CADM2: variants seen among roughly 807,000 people sequenced by gnomAD.
CADM2 encodes the protein cell adhesion molecule 2.
Under a neutral mutation model 49.8 loss-of-function variants are expected in CADM2, and 12 were observed. That is an observed-to-expected ratio of 0.24 (90% CI 0.15 to 0.39). The LOEUF is 0.39. CADM2 is among the 10% of genes least tolerant of loss of function. CADM2 has a pLI of 1.00. For synonymous variants in CADM2, 214 were observed against 175.4 expected (o/e 1.22, Z -1.74); for missense variants, 378 against 492.3 (o/e 0.77, Z 2.20).
intron 2 of CADM2, among the ~76,000 whole-genome samples, chr3:85,752,006 A>G (rs1325950915): frequency 1.3e-5 from 2 of 152,152 alleles, no homozygotes; most frequent in East Asian, 3.9e-4. Context: ...CAAAACACTC[A>G]ACTTTAAGAT....
At position 85,297,927 on chromosome 3, in the gene CADM2, G is replaced by T. The variant is rs149502040; in HGVS notation, c.61+338259G>T. Among the ~76,000 whole-genome samples the T allele has an allele frequency of 5.4e-3, 824 of 152,038 alleles. 33 individuals are homozygous for T. Among genetic ancestry groups the T allele is most frequent in the Admixed American group, 0.048 (735 of 15,238 alleles). On this transcript the variant is annotated intron_variant, in intron 1 of 9. Coordinates refer to ENST00000383699, the MANE Select transcript of CADM2 (RefSeq NM_001167675.2). The stretch of plus-strand genomic sequence containing the variant: ...TATAGGAATCATGTAATAAATATTT[G>T]TTAGATGCCTTGAAAGGAAGAAATA...
chr3:85,660,432 G>T (rs772644036), intron 1 of CADM2, among the ~76,000 whole-genome samples: 1 of 134,748 alleles, frequency 7.4e-6, no homozygotes, highest in Admixed American at 7.8e-5. Flanking sequence ...TAGGCTTTTC[G>T]CTCTCCTGTT....
chr3:85,468,153 CAAAAAAAAAAAAAAAAA>C (rs57721920), intron 1 of CADM2, among the ~76,000 whole-genome samples: 14 of 55,348 alleles, frequency 2.5e-4, no homozygotes, highest in Admixed American at 1.7e-3. Flanking sequence ...GACTCCGTCT[CAAAAAAAAAAAAAAAAA>C]AAAAAAAAAA....
chr3:85,592,990 A>C (rs1410247104), intron 1 of CADM2, among the ~76,000 whole-genome samples: 1 of 151,844 alleles, frequency 6.6e-6, no homozygotes, highest in Non-Finnish European at 1.5e-5. Context: ...CTGATTTTAA[A>C]GGGACTCCAA....
intron 6 of CADM2, among the ~76,000 whole-genome samples, chr3:85,917,762 A>G (rs1335131346): frequency 1.3e-5 from 2 of 152,138 alleles, no homozygotes; most frequent in South Asian, 2.1e-4. Context: ...CTTGGGCAGT[A>G]TGGCCATTTT....
chr3:85,899,111 G>C (rs977674973), intron 5 of CADM2, among the ~76,000 whole-genome samples: 1 of 150,324 alleles, frequency 6.7e-6, no homozygotes, highest in Admixed American at 6.6e-5. Context: ...GATTACAGGC[G>C]TGCACCAACA....
chr3:85,978,332 A>T (rs1241355200), intron 8 of CADM2, among the ~76,000 whole-genome samples: 1 of 151,596 alleles, frequency 6.6e-6, no homozygotes, highest in Admixed American at 6.6e-5. Context: ...TTTTTTCTGT[A>T]TTTGAAGCTA....
At chr3:85,955,092 T>C (rs114315149) in intron 7 of CADM2, among the ~76,000 whole-genome samples, 260 of 151,572 alleles carry the variant, frequency 1.7e-3, no homozygotes, top group African/African-American at 6.0e-3. Context: ...TGATTCTGCT[T>C]TGTCTTAAAG....
intron 1 of CADM2, among the ~76,000 whole-genome samples, chr3:85,707,812 C>A (rs2066997952): frequency 6.6e-6 from 1 of 152,106 alleles, no homozygotes; most frequent in Non-Finnish European, 1.5e-5. Flanking sequence ...ACAGCATGTA[C>A]TTGAAAAGAA....
intron 1 of CADM2, among the ~76,000 whole-genome samples, chr3:85,073,396 C>T (rs1435841121): frequency 2.6e-5 from 4 of 152,104 alleles, no homozygotes; most frequent in African/African-American, 9.7e-5. Flanking sequence ...ATTCATGCTA[C>T]AATGTACATA....
chr3:85,568,453 T>TTTCTC (rs2062354997), intron 1 of CADM2, among the ~76,000 whole-genome samples: 6 of 27,566 alleles, frequency 2.2e-4, no homozygotes, highest in Admixed American at 5.8e-4. Flanking sequence ...CTTTCTTTCT[T>TTTCTC]TCTTTCTTTC....
chr3:85,331,504 C>A (rs545802151), intron 1 of CADM2, among the ~76,000 whole-genome samples: 7 of 151,306 alleles, frequency 4.6e-5, no homozygotes, highest in African/African-American at 1.7e-4. Flanking sequence ...CTAAAAGTGA[C>A]TATTGTCACT....
intron 1 of CADM2, among the ~76,000 whole-genome samples, chr3:85,505,782 T>C (rs1168188668): frequency 1.3e-5 from 2 of 152,210 alleles, no homozygotes; most frequent in Non-Finnish European, 2.9e-5. Flanking sequence ...TTGGAAACAT[T>C]AAGAATGCAG....
chr3:85,499,786 T>C (rs2040043275), intron 1 of CADM2, among the ~76,000 whole-genome samples: 1 of 152,058 alleles, frequency 6.6e-6, no homozygotes, highest in Non-Finnish European at 1.5e-5. Flanking sequence ...ATTTAATTAT[T>C]TTACAGCTTT....
intron 8 of CADM2, among the ~76,000 whole-genome samples, chr3:86,055,539 T>G (rs1737856165): frequency 7.2e-6 from 1 of 138,380 alleles, no homozygotes; most frequent in African/African-American, 2.7e-5. Flanking sequence ...CGATCTCAGC[T>G]CACTGCAAAC....
intron 7 of CADM2, among the ~76,000 whole-genome samples, chr3:85,960,250 C>T (rs1724649903): frequency 6.6e-6 from 1 of 151,878 alleles, no homozygotes; most frequent in African/African-American, 2.4e-5. Context: ...GGTATATATC[C>T]TTCCTCTTAG....
chr3:85,361,862 G>T (rs12714625), intron 1 of CADM2, among the ~76,000 whole-genome samples: 2 of 152,010 alleles, frequency 1.3e-5, no homozygotes, highest in Non-Finnish European at 2.9e-5. Context: ...AATTTCCTTT[G>T]TGTTAGTCTG....
chr3:85,942,032 T>G (rs1477962174), intron 7 of CADM2, among the ~76,000 whole-genome samples: 1 of 152,114 alleles, frequency 6.6e-6, no homozygotes, highest in Non-Finnish European at 1.5e-5. Context: ...GTAACACAGC[T>G]GATAAATGGT....
At chr3:85,693,746 ATTAGCCAGGTGTGGTGGTGC>A in intron 1 of CADM2, among the ~76,000 whole-genome samples, 1 of 144,240 alleles carries the variant, frequency 6.9e-6, no homozygotes, top group Middle Eastern at 3.4e-3. Context: ...AAAAAAAAAA[ATTAGCCAGGTGTGGTGGTGC>A]AAACCTATAC....
Sources: gnomAD v4.1 joint callset for allele counts (sites outside exome capture counted in the v4.1 genomes callset) on GRCh38, gnomAD v4.1.1 for gene constraint, MANE v1.5 for transcripts, NCBI Gene and HGNC (gene_info 2026-07-23, HGNC 2026-07-21) for gene names.